MLXIPL: variants seen among roughly 807,000 people sequenced by gnomAD.
The protein encoded by MLXIPL is carbohydrate-responsive element-binding protein.
MLXIPL carries 49 observed loss-of-function variants against 81.5 expected under a neutral mutation model. The ratio of observed to expected loss-of-function variants is 0.60; its 90% CI spans 0.48 to 0.76. The LOEUF is 0.76. MLXIPL is among the 30% of genes least tolerant of loss of function. MLXIPL has a pLI of 0.00. For missense variants in MLXIPL, 1,053 were observed against 1,167.0 expected (o/e 0.90, Z 1.42); for synonymous variants, 466 against 485.5 (o/e 0.96, Z 0.53).
the MLXIPL span, among the ~76,000 whole-genome samples, chr7:73,631,011 C>T: frequency 2.8e-5 from 4 of 144,192 alleles, no homozygotes; most frequent in East Asian, 8.1e-4. Flanking sequence ...CTAGGGAATA[C>T]TTTTTTTTTT....
At chr7:73,616,520 G>T (rs1796016215) in intron 1 of MLXIPL, among the ~76,000 whole-genome samples, 1 of 152,158 alleles carries the variant, frequency 6.6e-6, no homozygotes. Context: ...TGGGGACAGT[G>T]CTCAGGCCCA....
upstream of MLXIPL, among the ~76,000 whole-genome samples, chr7:73,625,700 G>A (rs782629459): frequency 5.3e-5 from 8 of 152,276 alleles, no homozygotes; most frequent in South Asian, 2.1e-4. Flanking sequence ...GGTGGAGGTT[G>A]CAGTGAGCCG....
intron 1 of MLXIPL, among the ~76,000 whole-genome samples, chr7:73,617,157 A>G (rs1192233946): frequency 6.6e-6 from 1 of 152,004 alleles, no homozygotes; most frequent in Non-Finnish European, 1.5e-5. Context: ...CTGGGATTAC[A>G]GTTGTGCGCC....
rs201966832 is a variant in MLXIPL, at chr7:73,597,728, A to C, written c.1072-15T>G. ...CTGTTCCGAGCCTGGTTGGGGGGACAGACAGACACTCAGAGAGCAGGGGAG... is the reference window on the plus strand; with the variant it reads ...CTGTTCCGAGCCTGGTTGGGGGGACCGACAGACACTCAGAGAGCAGGGGAG... On this transcript the variant is annotated splice_polypyrimidine_tract_variant and intron_variant, in intron 8 of 16. Transcript: ENST00000313375. The C allele has an allele frequency of 3.6e-4, 479 of 1,338,914 alleles. 1 individual carries two copies. The African/African-American group carries it at 6.5e-3, about 18-fold the overall frequency. 82.9% of individuals were successfully genotyped at this position (1,338,914 alleles called of 1,614,324 possible). A position where few individuals can be genotyped will look rare whatever the true frequency, so the allele number is the denominator to read the frequency against.
At chr7:73,638,641 A>G in the MLXIPL span, among the ~76,000 whole-genome samples, 1 of 151,248 alleles carries the variant, frequency 6.6e-6, no homozygotes, top group Non-Finnish European at 1.5e-5. Context: ...TTGTTTTTCC[A>G]AGACAGGGTC....
intron 7 of MLXIPL, among the ~76,000 whole-genome samples, chr7:73,603,763 C>T (rs1361969685): frequency 3.3e-5 from 5 of 152,136 alleles, no homozygotes; most frequent in African/African-American, 7.2e-5. Context: ...AGACCTACAG[C>T]GAAGTGAGGA....
chr7:73,630,240 G>GC, the MLXIPL span, among the ~76,000 whole-genome samples: 1 of 147,648 alleles, frequency 6.8e-6, no homozygotes, highest in Admixed American at 6.8e-5. Context: ...CTCGTTATCT[G>GC]CCCGCCTCGG....
At chr7:73,616,848 CAAAA>C (rs35467108) in intron 1 of MLXIPL, among the ~76,000 whole-genome samples, 1 of 51,628 alleles carries the variant, frequency 1.9e-5, no homozygotes, top group Non-Finnish European at 3.7e-5. Flanking sequence ...AACTCCGTCT[CAAAA>C]AAAAAAAAAA....
rs1794266975 is a variant in MLXIPL at position 73,596,078 on chromosome 7, A to G, written c.2058+75T>C. On this transcript the variant is annotated intron_variant, in intron 13 of 16. Coordinates refer to ENST00000313375, the MANE Select transcript of MLXIPL (RefSeq NM_032951.3). The surrounding 1 kb of genome is among the most constrained non-coding windows in gnomAD (Gnocchi z 4.7). Reference sequence around the variant, plus strand: ...AGAGTGTCTGGAGCACTCCCCTGCAATTGAGTTTTGGGTGGGGGGGGTCCA... The same window carrying G: ...AGAGTGTCTGGAGCACTCCCCTGCAGTTGAGTTTTGGGTGGGGGGGGTCCA... 1 of 1,597,492 alleles carries G rather than the reference A, an allele frequency of 6.3e-7. No individual in the cohort carries two copies.
In MLXIPL at chr7:73,596,924, C is replaced by T; in HGVS notation, c.1612G>A (p.Glu538Lys). The T allele has an allele frequency of 6.2e-7, 1 of 1,609,586 alleles. No individual in the cohort carries two copies. Among genetic ancestry groups the T allele is most frequent in the Middle Eastern group, 2.2e-4 (1 of 4,602 alleles). Residue 538 changes from glutamate (E) to lysine (K), a missense_variant, in exon 10 of 17, where the codon GAG becomes AAG. Coordinates refer to ENST00000313375, the MANE Select transcript of MLXIPL (RefSeq NM_032951.3). This position sits in a 1 kb window ranked among gnomAD's most constrained non-coding sequence, Gnocchi z 4.7. ...LTQLLTAAKP[E>K]QALEPPLVSS... ...ACAAGTGGTGGCTCCAGGGCTTGCT[C>T]CGGCTTAGCTGTGCACGGGCAGAAC...
intron 1 of MLXIPL, among the ~76,000 whole-genome samples, chr7:73,619,742 A>G (rs1399893334): frequency 6.6e-6 from 1 of 151,742 alleles, no homozygotes; most frequent in Non-Finnish European, 1.5e-5. Context: ...CATCCTGGCT[A>G]ACGCAGTGAA....
At chr7:73,627,961 C>T (rs1278643853), upstream of MLXIPL, among the ~76,000 whole-genome samples, 5 of 150,884 alleles carry the variant, frequency 3.3e-5, no homozygotes, top group Non-Finnish European at 7.4e-5. Context: ...AAATTGAGGG[C>T]CAAACTCAGT....
chr7:73,594,444 C>G (rs1764059700), intron 15 of MLXIPL, 41 bp from the exon 16 acceptor site: 1 of 1,598,886 alleles, frequency 6.3e-7, no homozygotes, highest in Non-Finnish European at 8.5e-7. Flanking sequence ...CCAGCTGGTC[C>G]CCCCACACCA....
chr7:73,645,731 G>C, the MLXIPL span, among the ~76,000 whole-genome samples: 1 of 152,190 alleles, frequency 6.6e-6, no homozygotes, highest in Non-Finnish European at 1.5e-5. Context: ...GAGGAGGACA[G>C]GGCTTGCCAA....
chr7:73,643,350 T>C, the MLXIPL span, among the ~76,000 whole-genome samples: 1 of 152,006 alleles, frequency 6.6e-6, no homozygotes, highest in Non-Finnish European at 1.5e-5. Context: ...CCGTCTCTAC[T>C]AAAAATATAA....
chr7:73,604,256 A>G (rs1270715072), intron 7 of MLXIPL, among the ~76,000 whole-genome samples: 1 of 139,500 alleles, frequency 7.2e-6, no homozygotes, highest in Non-Finnish European at 1.5e-5. Flanking sequence ...TTTACAAGAT[A>G]TGATGCATGC....
At chr7:73,632,377 G>A in the MLXIPL span, among the ~76,000 whole-genome samples, 1 of 152,092 alleles carries the variant, frequency 6.6e-6, no homozygotes, top group Non-Finnish European at 1.5e-5. Flanking sequence ...AGATACTTAT[G>A]ACATGTGCAC....
At position 73,595,627 on chromosome 7, in the gene MLXIPL, G is replaced by C. The variant is rs782114543; in HGVS notation, c.2310+10C>G. 1.2e-6 allele frequency: 2 copies of C among 1,614,148 alleles called. No homozygotes were observed. The highest frequency in any genetic ancestry group is 2.2e-5 in the South Asian group (2 of 91,086). On this transcript the variant is annotated intron_variant, in intron 15 of 16. Transcript: ENST00000313375. Reference sequence around the variant, plus strand: ...TGCAGCCCCCCAGCCATGGGCTTGAGGGAGGATACCACCCAGAACTTCCAG... The same window carrying C: ...TGCAGCCCCCCAGCCATGGGCTTGACGGAGGATACCACCCAGAACTTCCAG...
chr7:73,616,751 A>C (rs1796027426), intron 1 of MLXIPL, among the ~76,000 whole-genome samples: 1 of 151,058 alleles, frequency 6.6e-6, no homozygotes, highest in South Asian at 2.1e-4. Flanking sequence ...AGGAGGCTGA[A>C]GCAGGAGAAT....
Sources: allele counts gnomAD v4.1 joint callset (sites outside exome capture counted in the v4.1 genomes callset), GRCh38; gene constraint gnomAD v4.1.1; non-coding constraint Gnocchi (gnomAD v3.1); transcripts MANE v1.5; gene names NCBI Gene and HGNC (gene_info 2026-07-23, HGNC 2026-07-21).